NDUFS4: variants seen among roughly 807,000 people sequenced by gnomAD.
NDUFS4 encodes NADH dehydrogenase [ubiquinone] iron-sulfur protein 4, mitochondrial.
Under a neutral mutation model 24.3 loss-of-function variants are expected in NDUFS4, and 28 were observed. The ratio of observed to expected loss-of-function variants is 1.15; its 90% confidence interval spans 0.85 to 1.58. The LOEUF (loss-of-function observed/expected upper bound fraction) is 1.58, where lower values mean the gene tolerates loss of function less well. Ranked by LOEUF, NDUFS4 falls within the 40% of genes most tolerant of loss-of-function variation. The probability of loss-of-function intolerance (pLI) is 0.00; values close to 1 mark genes in which losing one functional copy is unlikely to be tolerated. For synonymous variants in NDUFS4, 93 were observed against 69.7 expected, an observed-to-expected ratio of 1.34 and a Z score of -1.67; for missense variants, 223 against 207.9, an observed-to-expected ratio of 1.07 and a Z score of -0.45.
At position 53,616,427 on chromosome 5, in the gene NDUFS4, G is replaced by C. The variant is rs193149477; in HGVS notation, c.177+12897G>C. Among the ~76,000 whole-genome samples, 5 of 152,214 alleles carry C rather than the reference G, an allele frequency of 3.3e-5. No homozygotes were observed. In the East Asian group the frequency reaches 9.6e-4, roughly 29 times the overall value. Reference sequence around the variant, plus strand: ...TAGCTGGGGTTTGGGTGGAATAGGGGTCATTTAAGTAGGGCAGTCAACGAA... The same window carrying C: ...TAGCTGGGGTTTGGGTGGAATAGGGCTCATTTAAGTAGGGCAGTCAACGAA... On this transcript the variant is annotated intron_variant, in intron 2 of 4. Coordinates refer to ENST00000296684, the MANE Select transcript of NDUFS4 (RefSeq NM_002495.4).
At chr5:53,566,534 T>G (rs1386140718) in intron 1 of NDUFS4, among the ~76,000 whole-genome samples, 1 of 152,110 alleles carries the variant, frequency 6.6e-6, no homozygotes, top group Non-Finnish European at 1.5e-5. Context: ...GGTACAGAAG[T>G]GAAATTACTG....
intron 2 of NDUFS4, among the ~76,000 whole-genome samples, chr5:53,606,906 A>ATCATC (rs1561358874): frequency 6.6e-6 from 1 of 152,220 alleles, no homozygotes; most frequent in African/African-American, 2.4e-5. Flanking sequence ...TATACTTTAA[A>ATCATC]TCATCTCTAG....
intron 2 of NDUFS4, among the ~76,000 whole-genome samples, chr5:53,627,890 T>C (rs1751279850): frequency 6.6e-6 from 1 of 152,190 alleles, no homozygotes; most frequent in Non-Finnish European, 1.5e-5. Context: ...TCTTGCCCGA[T>C]TGCCCTGACC....
chr5:53,659,503 TGATACGTAATA>T (rs1408083388), intron 4 of NDUFS4, among the ~76,000 whole-genome samples: 1 of 152,190 alleles, frequency 6.6e-6, no homozygotes, highest in Admixed American at 6.5e-5. Flanking sequence ...GGGTGATAGC[TGATACGTAATA>T]GATACTACTT....
At chr5:53,572,904 A>G (rs1158368937) in intron 1 of NDUFS4, among the ~76,000 whole-genome samples, 1 of 150,438 alleles carries the variant, frequency 6.6e-6, no homozygotes, top group African/African-American at 2.4e-5. Flanking sequence ...TTGGCCTCCC[A>G]AAGTGCTGGG....
chr5:53,639,006 T>C (rs1023052011), intron 2 of NDUFS4, among the ~76,000 whole-genome samples: 5 of 152,044 alleles, frequency 3.3e-5, no homozygotes, highest in Non-Finnish European at 2.9e-5. Flanking sequence ...GAAACAAATA[T>C]CCAACTGCTT....
At chr5:53,634,122 T>G (rs1299978675) in intron 2 of NDUFS4, among the ~76,000 whole-genome samples, 1 of 152,228 alleles carries the variant, frequency 6.6e-6, no homozygotes, top group South Asian at 2.1e-4. Context: ...CTAGGACCAG[T>G]TCTTAACAAC....
chr5:53,667,321 C>T (rs150659218), intron 4 of NDUFS4, among the ~76,000 whole-genome samples: 24,996 of 151,780 alleles, frequency 0.16, 2,288 homozygotes, highest in Non-Finnish European at 0.21. Flanking sequence ...CAAAATTAGC[C>T]GGGCATGGTG....
At chr5:53,638,073 A>G (rs747212479) in intron 2 of NDUFS4, among the ~76,000 whole-genome samples, 2 of 152,184 alleles carry the variant, frequency 1.3e-5, no homozygotes, top group Non-Finnish European at 2.9e-5. Flanking sequence ...AAATGTTAAC[A>G]TACTAGCCAG....
intron 1 of NDUFS4, among the ~76,000 whole-genome samples, chr5:53,575,495 A>G (rs1158201501): frequency 2.0e-5 from 3 of 150,442 alleles, no homozygotes; most frequent in Non-Finnish European, 4.4e-5. Flanking sequence ...TAAAGGATCT[A>G]AAATGACTCA....
intron 4 of NDUFS4, among the ~76,000 whole-genome samples, chr5:53,665,756 C>T (rs1424286101): frequency 6.6e-6 from 1 of 152,236 alleles, no homozygotes; most frequent in Non-Finnish European, 1.5e-5. Context: ...AGGGAATTCC[C>T]TGACCCCTTG....
chr5:53,660,449 G>T (rs1336998043), intron 4 of NDUFS4, among the ~76,000 whole-genome samples: 5 of 151,942 alleles, frequency 3.3e-5, no homozygotes, highest in Admixed American at 6.6e-5. Flanking sequence ...GAATAGTGCC[G>T]CAGTAAACAT....
At chr5:53,562,555 A>C (rs1333976655) in intron 1 of NDUFS4, among the ~76,000 whole-genome samples, 1 of 152,150 alleles carries the variant, frequency 6.6e-6, no homozygotes, top group Non-Finnish European at 1.5e-5. Context: ...TTTGAAAATA[A>C]ATCATTTAAT....
intron 1 of NDUFS4, among the ~76,000 whole-genome samples, chr5:53,562,272 T>C (rs1468059184): frequency 6.6e-6 from 1 of 152,190 alleles, no homozygotes; most frequent in South Asian, 2.1e-4. Flanking sequence ...AGAGTTAATA[T>C]AGCGGTGACC....
intron 3 of NDUFS4, among the ~76,000 whole-genome samples, chr5:53,649,951 T>C (rs1168823565): frequency 6.6e-6 from 1 of 152,242 alleles, no homozygotes; most frequent in Non-Finnish European, 1.5e-5. Flanking sequence ...GTATGTTTTC[T>C]TTTGAAGAGT....
At chr5:53,589,705 G>A (rs1419107793) in intron 1 of NDUFS4, among the ~76,000 whole-genome samples, 2 of 152,180 alleles carry the variant, frequency 1.3e-5, no homozygotes, top group African/African-American at 4.8e-5. Flanking sequence ...ATTTGAGTCA[G>A]TGGGCTGGGA....
At chr5:53,680,196 T>A (rs1554062107) in intron 4 of NDUFS4, among the ~76,000 whole-genome samples, 2 of 152,126 alleles carry the variant, frequency 1.3e-5, no homozygotes. Context: ...AATGTAAAAT[T>A]AAGATATATA....
chr5:53,620,810 T>A (rs1278823370), intron 2 of NDUFS4, among the ~76,000 whole-genome samples: 1 of 152,230 alleles, frequency 6.6e-6, no homozygotes, highest in Admixed American at 6.5e-5. Context: ...GTCAGCAACA[T>A]ACTCTATGAT....
At chr5:53,582,246 T>TA (rs1168881967) in intron 1 of NDUFS4, among the ~76,000 whole-genome samples, 43 of 124,274 alleles carry the variant, frequency 3.5e-4, no homozygotes, top group African/African-American at 5.5e-4. Flanking sequence ...AAAATAAAAT[T>TA]AAATTAAAAT....
Sources: allele counts gnomAD v4.1 joint callset (sites outside exome capture counted in the v4.1 genomes callset), GRCh38; gene constraint gnomAD v4.1.1; transcripts MANE v1.5; gene names NCBI Gene and HGNC (gene_info 2026-07-23, HGNC 2026-07-21).